The following DSN1 variants were observed in gnomAD, a reference collection of about 807,000 sequenced individuals.
DSN1 encodes the protein kinetochore-associated protein DSN1 homolog.
Under a neutral mutation model 45.7 loss-of-function variants are expected in DSN1, and 31 were observed. That is an observed-to-expected ratio of 0.68 (90% CI 0.51 to 0.92). The LOEUF (loss-of-function observed/expected upper bound fraction) is 0.92. DSN1 is among the 40% of genes least tolerant of loss of function. The pLI is 0.00. For synonymous variants in DSN1, 134 were observed against 142.3 expected (o/e 0.94, Z 0.41); for missense variants, 394 against 414.2 (o/e 0.95, Z 0.42).
At chr20:36,768,450 T>C (rs943934272) in intron 3 of DSN1, among the ~76,000 whole-genome samples, 2 of 152,076 alleles carry the variant, frequency 1.3e-5, no homozygotes, top group African/African-American at 2.4e-5. Context: ...GGCTGAGGCA[T>C]GAGAATCAAA....
chr20:36,762,370 A>G, intron 6 of DSN1, 91 bp downstream of exon 6: 2 of 1,179,004 alleles, frequency 1.7e-6, no homozygotes, highest in African/African-American at 1.6e-5. Context: ...TCGGCCTCCC[A>G]AAGTGCTGGG....
At chr20:36,758,482 T>C (rs906343161) in intron 7 of DSN1, 76 bp downstream of exon 7, 1 of 1,272,462 alleles carries the variant, frequency 7.9e-7, no homozygotes, top group Non-Finnish European at 1.1e-6. Flanking sequence ...CAATGCTTAC[T>C]ATTCATTTTT....
chr20:36,762,364 C>G, intron 6 of DSN1, 97 bp downstream of exon 6: 1 of 1,031,018 alleles, frequency 9.7e-7, no homozygotes, highest in South Asian at 1.6e-5. Context: ...CCCACCTCGG[C>G]CTCCCAAAGT....
intron 6 of DSN1, among the ~76,000 whole-genome samples, chr20:36,762,214 C>T (rs1270606290): frequency 6.9e-6 from 1 of 145,584 alleles, no homozygotes; most frequent in African/African-American, 2.5e-5. Context: ...TCATGCCATT[C>T]TCCTGCCTCA....
chr20:36,771,578 T>A, intron 1 of DSN1, 105 bp from the exon 2 acceptor site: 1 of 997,134 alleles, frequency 1.0e-6, no homozygotes, highest in Non-Finnish European at 1.5e-6. Context: ...CCAGCCTCTC[T>A]GAGCTACCCT....
chr20:36,759,423 A>T (rs571276844), intron 6 of DSN1, among the ~76,000 whole-genome samples: 4 of 152,152 alleles, frequency 2.6e-5, no homozygotes, highest in African/African-American at 9.7e-5. Context: ...AATCCCTTAC[A>T]TAATTTTTGT....
rs368772931 is a variant in DSN1, at chr20:36,766,194, CA to C, written c.502+574del. On this transcript the variant is annotated intron_variant, in intron 5 of 10. Coordinates refer to ENST00000373750, the MANE Select transcript of DSN1 (RefSeq NM_001145315.2). ...GGGTGACAGAGCCGCGACTCCATCTCAAAAAAAAAAAAAAAAAAGAAAAAAA... is the reference window on the plus strand; with the variant it reads ...GGGTGACAGAGCCGCGACTCCATCTCAAAAAAAAAAAAAAAAAGAAAAAAA... 7.4e-3 allele frequency among the ~76,000 whole-genome samples: 355 copies of C among 48,028 alleles called. 1 individual carries two copies. The highest frequency in any genetic ancestry group is 0.013 in the South Asian group (18 of 1,360). 31.5% of individuals were successfully genotyped at this position (48,028 alleles called of 152,430 possible).
chr20:36,756,826 C>T (rs1986701128), intron 8 of DSN1, among the ~76,000 whole-genome samples: 1 of 152,146 alleles, frequency 6.6e-6, no homozygotes, highest in Non-Finnish European at 1.5e-5. Context: ...AAACTAGCAT[C>T]TTACACATTA....
intron 6 of DSN1, among the ~76,000 whole-genome samples, chr20:36,761,851 A>G (rs535246723): frequency 1.3e-5 from 2 of 151,532 alleles, no homozygotes; most frequent in Non-Finnish European, 2.9e-5. Flanking sequence ...TACTAAAAAT[A>G]CAAAAAAATT....
chr20:36,760,885 C>T (rs1168874538), intron 6 of DSN1, among the ~76,000 whole-genome samples: 4 of 152,014 alleles, frequency 2.6e-5, no homozygotes, highest in African/African-American at 9.7e-5. Context: ...AGCAAAATTC[C>T]ATCTCAAAAA....
intron 5 of DSN1, among the ~76,000 whole-genome samples, chr20:36,764,985 T>G (rs1311506019): frequency 6.6e-6 from 1 of 151,770 alleles, no homozygotes; most frequent in Non-Finnish European, 1.5e-5. Context: ...AATGCTTATC[T>G]TCTTCAAAAG....
At chr20:36,768,155 T>G in intron 3 of DSN1, 113 bp from the exon 4 acceptor site, 1 of 944,162 alleles carries the variant, frequency 1.1e-6, no homozygotes, top group East Asian at 2.5e-5. Context: ...AAGAACAGCC[T>G]TCTTTAGTTA....
chr20:36,755,784 C>G lies in DSN1; in HGVS notation c.771G>C (p.Met257Ile). The G allele has an allele frequency of 6.2e-7, 1 of 1,614,020 alleles. No homozygotes were observed. Among genetic ancestry groups the G allele is most frequent in the Non-Finnish European group, 8.5e-7 (1 of 1,179,996 alleles). ...CATTCTGAGAAGACCCAAGATATGT[C>G]ATAGGTTCCACTTTGACCTCAGTAA... ...AKITEVKVEP[M>I]TYLGSSQNEV... The change falls in exon 9 of 11, where the codon ATG becomes ATC. Residue 257 changes from methionine to isoleucine, a missense_variant. Coordinates refer to ENST00000373750, the MANE Select transcript of DSN1 (RefSeq NM_001145315.2).
At chr20:36,758,733 G>A (rs1331284601) in intron 6 of DSN1, 116 bp from the exon 7 acceptor site, 1 of 1,005,766 alleles carries the variant, frequency 9.9e-7, no homozygotes, top group African/African-American at 1.6e-5. Context: ...TGTTGCCCAG[G>A]CTGGAGTGCA....
Position 36,758,540 on chromosome 20 carries a change from T to C in DSN1, c.650+18A>G. 6.3e-7 allele frequency: 1 copy of C among 1,587,416 alleles called. No homozygotes were observed. The highest frequency in any genetic ancestry group is 1.4e-5 in the African/African-American group (1 of 73,694). ...GATGGGAGAACGAATTTAGATTTTC[T>C]AACAAAGGTTAACTTACTTTGTTAT... is the stretch of plus-strand genomic sequence containing the variant. On this transcript the variant is annotated intron_variant, in intron 7 of 10. Transcript: ENST00000373750.
chr20:36,768,404 G>A (rs1473916868), intron 3 of DSN1, among the ~76,000 whole-genome samples: 1 of 152,164 alleles, frequency 6.6e-6, no homozygotes, highest in Non-Finnish European at 1.5e-5. Context: ...TTAGCCAGGA[G>A]TGGTGGCATG....
intron 10 of DSN1, 54 bp from the exon 11 acceptor site, chr20:36,752,951 A>AAATG: frequency 6.9e-7 from 1 of 1,439,536 alleles, no homozygotes; most frequent in Non-Finnish European, 9.8e-7. Context: ...CGTAACATTT[A>AAATG]TTGAAAACTT....
rs1179269458 is a variant in DSN1, at chr20:36,754,838, G to C, written c.886C>G (p.Gln296Glu). Residue 296 changes from glutamine to glutamate, a missense_variant, in exon 10 of 11, where the codon CAA becomes GAA. Physicochemically the swap from Gln to Glu is conservative, Grantham distance 29. Transcript: ENST00000373750. Reference sequence around the variant, plus strand: ...GCCTGCAGCTGTTTCACTGATCCTTGCAGTTCATCCATCTGTAGAAAAAAG... The same window carrying C: ...GCCTGCAGCTGTTTCACTGATCCTTCCAGTTCATCCATCTGTAGAAAAAAG... ...DCMELVMDEL[Q>E]GSVKQLQAFM... 6.2e-7 allele frequency: 1 copy of C among 1,613,668 alleles called. No homozygotes were observed. Among genetic ancestry groups the C allele is most frequent in the East Asian group, 2.2e-5 (1 of 44,888 alleles).
At chr20:36,770,379 T>C (rs1412085095) in intron 3 of DSN1, among the ~76,000 whole-genome samples, 2 of 152,216 alleles carry the variant, frequency 1.3e-5, no homozygotes, top group Admixed American at 1.3e-4. Context: ...TAGATATTTG[T>C]ATGTGCATCT....
Sources: gnomAD v4.1 joint callset for allele counts (sites outside exome capture counted in the v4.1 genomes callset) on GRCh38, gnomAD v4.1.1 for gene constraint, MANE v1.5 for transcripts, NCBI Gene and HGNC (gene_info 2026-07-23, HGNC 2026-07-21) for gene names.